CERT1: variants seen among roughly 807,000 people sequenced by gnomAD.
CERT1 encodes the protein ceramide transporter 1, also known as ceramide transfer protein.
Under a neutral mutation model 87.9 loss-of-function variants are expected in CERT1, and 31 were observed. The ratio of observed to expected loss-of-function variants is 0.35; its 90% CI spans 0.27 to 0.48. The LOEUF (loss-of-function observed/expected upper bound fraction) is 0.48, where lower values mean the gene tolerates loss of function less well. CERT1 is among the 20% of genes least tolerant of loss of function. CERT1 has a pLI of 0.99. For missense variants in CERT1, 487 were observed against 758.0 expected (o/e 0.64, Z 4.20); for synonymous variants, 289 against 250.9 (o/e 1.15, Z -1.44).
intron 9 of CERT1, 112 bp from the exon 10 acceptor site, chr5:75,400,409 C>T (rs945645337): frequency 1.4e-5 from 9 of 662,130 alleles, no homozygotes; most frequent in South Asian, 4.4e-5. Flanking sequence ...CGCCTTAGTG[C>T]TTATAACCAT....
At chr5:75,414,794 T>C (rs1763073288) in intron 7 of CERT1, among the ~76,000 whole-genome samples, 1 of 152,190 alleles carries the variant, frequency 6.6e-6, no homozygotes, top group South Asian at 2.1e-4. Flanking sequence ...TTATCACCTA[T>C]TTAATTGCTC....
chr5:75,381,169 A>G lies in CERT1; in HGVS notation c.1650T>C (p.Asn550=), dbSNP rs764836042. Residue 550 remains asparagine (N), a synonymous_variant, in exon 16 of 17, where the codon AAT becomes AAC. Transcript: ENST00000643780. ...LNNRCVRAKI[N]VAMICQTLVS... ...CCAAGGTTTGACAAATCATAGCAAC[A>G]TTTATTTTGGCACGGACACATCGGT... 7.4e-6 allele frequency: 12 copies of G among 1,614,034 alleles called. No individual in the cohort carries two copies. Among genetic ancestry groups the G allele is most frequent in the Non-Finnish European group, 9.3e-6 (11 of 1,180,010 alleles).
chr5:75,390,132 C>G (rs1331618494), intron 11 of CERT1, among the ~76,000 whole-genome samples: 1 of 152,012 alleles, frequency 6.6e-6, no homozygotes, highest in African/African-American at 2.4e-5. Context: ...TGAACAAAGA[C>G]ATAGAGAGAG....
chr5:75,511,681 C>A (rs531428706), upstream of CERT1: 33 of 1,532,188 alleles, frequency 2.2e-5, no homozygotes, highest in Non-Finnish European at 2.5e-5. Context: ...CATTCTCCCC[C>A]ACTACTCCCC....
chr5:75,455,058 A>T (rs1452731249), intron 3 of CERT1, among the ~76,000 whole-genome samples: 1 of 152,216 alleles, frequency 6.6e-6, no homozygotes, highest in Non-Finnish European at 1.5e-5. Flanking sequence ...GAACCACTAC[A>T]GCTTTCTGAA....
intron 11 of CERT1, among the ~76,000 whole-genome samples, chr5:75,392,865 G>A (rs1389697871): frequency 6.7e-6 from 1 of 149,888 alleles, no homozygotes; most frequent in Non-Finnish European, 1.5e-5. Flanking sequence ...AGCTACTCAG[G>A]AGGCTGTGAA....
At chr5:75,381,017 G>C in intron 16 of CERT1, 55 bp downstream of exon 16, 1 of 1,591,668 alleles carries the variant, frequency 6.3e-7, no homozygotes. Context: ...TTGTCATATA[G>C]GTCATGATCA....
chr5:75,439,068 G>C (rs76957857), intron 3 of CERT1, among the ~76,000 whole-genome samples: 2,158 of 151,868 alleles, frequency 0.014, 46 homozygotes, highest in African/African-American at 0.05. Flanking sequence ...GTAACCTTTA[G>C]ACTAAATCCA....
intron 3 of CERT1, among the ~76,000 whole-genome samples, chr5:75,427,677 CATATCT>C (rs1292267958): frequency 6.6e-6 from 1 of 152,180 alleles, no homozygotes; most frequent in African/African-American, 2.4e-5. Flanking sequence ...GACAATATAT[CATATCT>C]ATCATGGTTT....
intron 2 of CERT1, among the ~76,000 whole-genome samples, chr5:75,462,577 C>T (rs946739579): frequency 5.9e-5 from 9 of 151,822 alleles, no homozygotes; most frequent in African/African-American, 2.2e-4. Flanking sequence ...TTGAGGACCC[C>T]CGATCTAAAG....
chr5:75,381,785 G>A (rs1761597599), intron 15 of CERT1, among the ~76,000 whole-genome samples, 164 bp downstream of exon 15: 1 of 152,154 alleles, frequency 6.6e-6, no homozygotes, highest in Non-Finnish European at 1.5e-5. Flanking sequence ...GTTGCCCTCA[G>A]ACAACACATG....
rs543198199 is a variant in CERT1, at chr5:75,486,227, C to A, written c.231+19755G>T. Among the ~76,000 whole-genome samples, 4 of 152,060 alleles carry A rather than the reference C, an allele frequency of 2.6e-5. No homozygotes were observed. In the South Asian group the frequency reaches 6.2e-4, roughly 24 times the overall value. ...CGCAAATCTACGTGGTACATTATAT[C>A]CACAGAATGAAGGACAAAAACCATA... On this transcript the variant is annotated intron_variant, in intron 2 of 16. Transcript: ENST00000643780.
intron 2 of CERT1, among the ~76,000 whole-genome samples, chr5:75,462,919 G>A (rs1266037048): frequency 1.3e-5 from 2 of 149,962 alleles, no homozygotes; most frequent in Admixed American, 1.3e-4. Flanking sequence ...TTGAACCCGG[G>A]AGGTAGAAGT....
chr5:75,405,899 TC>T (rs549412229), intron 8 of CERT1, among the ~76,000 whole-genome samples: 4 of 142,894 alleles, frequency 2.8e-5, no homozygotes, highest in African/African-American at 5.2e-5. Context: ...TTGTAATGTA[TC>T]CCCCCCAACC....
At chr5:75,421,086 G>A (rs550015734) in intron 5 of CERT1, among the ~76,000 whole-genome samples, 2 of 152,304 alleles carry the variant, frequency 1.3e-5, no homozygotes, top group South Asian at 4.1e-4. Context: ...TGGGATTACA[G>A]GTGTAAGCCA....
chr5:75,467,420 T>G (rs761592026), intron 2 of CERT1, among the ~76,000 whole-genome samples: 3 of 152,058 alleles, frequency 2.0e-5, no homozygotes, highest in African/African-American at 7.2e-5. Flanking sequence ...GGTGGGCAGA[T>G]AGCTTGAGCT....
At chr5:75,501,578 A>T (rs1767370805) in intron 2 of CERT1, among the ~76,000 whole-genome samples, 1 of 152,216 alleles carries the variant, frequency 6.6e-6, no homozygotes, top group Non-Finnish European at 1.5e-5. Context: ...TTCACCAATG[A>T]ATCATTAGCA....
chr5:75,381,540 A>AT (rs1160917035), intron 15 of CERT1, among the ~76,000 whole-genome samples: 18 of 148,132 alleles, frequency 1.2e-4, no homozygotes, highest in Middle Eastern at 3.5e-3. Context: ...AAAAAAAAAA[A>AT]TTTTTTTTAA....
At chr5:75,477,516 T>C (rs1460061071) in intron 2 of CERT1, among the ~76,000 whole-genome samples, 2 of 151,710 alleles carry the variant, frequency 1.3e-5, no homozygotes, top group African/African-American at 4.8e-5. Flanking sequence ...AACCTCTTAG[T>C]GTGATTTCTA....
Sources: gnomAD v4.1 joint callset for allele counts (sites outside exome capture counted in the v4.1 genomes callset) on GRCh38, gnomAD v4.1.1 for gene constraint, MANE v1.5 for transcripts, NCBI Gene and HGNC (gene_info 2026-07-23, HGNC 2026-07-21) for gene names.